The following TCEA3 variants were observed in gnomAD, a reference collection of about 807,000 sequenced individuals.
The protein encoded by TCEA3 is transcription elongation factor A protein 3.
A neutral mutation model predicts 44.0 loss-of-function variants in TCEA3; 36 were observed. The ratio of observed to expected loss-of-function variants is 0.82; its 90% confidence interval spans 0.63 to 1.08. The LOEUF (loss-of-function observed/expected upper bound fraction) is 1.08. TCEA3 is among the 50% of genes least tolerant of loss of function. The probability of loss-of-function intolerance (pLI) is 0.00; values close to 1 mark genes in which losing one functional copy is unlikely to be tolerated. For synonymous variants in TCEA3, 162 were observed against 159.7 expected (o/e 1.01, Z -0.11); for missense variants, 392 against 441.2 (o/e 0.89, Z 1.00).
At chr1:23,396,837 C>T (rs1180606732) in intron 7 of TCEA3, among the ~76,000 whole-genome samples, 1 of 151,992 alleles carries the variant, frequency 6.6e-6, no homozygotes, top group East Asian at 1.9e-4. Flanking sequence ...GAAACCCCAT[C>T]CCTACTAAAA....
At chr1:23,383,183 G>T (rs1558013539) in intron 10 of TCEA3, among the ~76,000 whole-genome samples, 1 of 151,822 alleles carries the variant, frequency 6.6e-6, no homozygotes, top group South Asian at 2.1e-4. Context: ...AGGAGGCTGA[G>T]GCAGGAGAAT....
intron 8 of TCEA3, among the ~76,000 whole-genome samples, chr1:23,388,843 C>G (rs1287115803): frequency 6.6e-6 from 1 of 152,028 alleles, no homozygotes; most frequent in East Asian, 1.9e-4. Context: ...ACCACCAAAC[C>G]TGGTTAATTA....
intron 4 of TCEA3, among the ~76,000 whole-genome samples, chr1:23,414,495 T>C (rs1199850326): frequency 1.3e-5 from 2 of 152,236 alleles, no homozygotes; most frequent in South Asian, 4.1e-4. Context: ...TTCTGCCTCC[T>C]GGGTTCAAGT....
chr1:23,420,902 C>G (rs1386861594), intron 1 of TCEA3, among the ~76,000 whole-genome samples: 1 of 152,176 alleles, frequency 6.6e-6, no homozygotes, highest in African/African-American at 2.4e-5. Flanking sequence ...TGCCTGCTGT[C>G]CTGAGATCAG....
At chr1:23,390,944 G>A (rs1558027494) in intron 8 of TCEA3, among the ~76,000 whole-genome samples, 1 of 151,884 alleles carries the variant, frequency 6.6e-6, no homozygotes. Context: ...TCTTTGCTAT[G>A]TCTGAGTAGG....
At chr1:23,400,657 C>A (rs983998350) in intron 5 of TCEA3, among the ~76,000 whole-genome samples, 2 of 152,150 alleles carry the variant, frequency 1.3e-5, no homozygotes, top group African/African-American at 4.8e-5. Flanking sequence ...ATCTGCCAGC[C>A]AGCCCCTATA....
At position 23,393,924 on chromosome 1, in the gene TCEA3, G is replaced by C; in HGVS notation, c.774C>G (p.Leu258=). Residue 258 remains leucine, a synonymous_variant, in exon 8 of 11, where the codon CTC becomes CTG. Transcript: ENST00000450454. Reference sequence around the variant, plus strand: ...TAAGCCCTGCGGAGATGGCCCCACTGAGCACGTTCCGCCGCAGGCCGGGGT... The same window carrying C: ...TAAGCCCTGCGGAGATGGCCCCACTCAGCACGTTCCGCCGCAGGCCGGGGT... ...PRNPGLRRNV[L]SGAISAGLIA... The C allele has an allele frequency of 6.2e-7, 1 of 1,613,948 alleles. No individual in the cohort carries two copies. The highest frequency in any genetic ancestry group is 8.5e-7 in the Non-Finnish European group (1 of 1,179,896).
intron 3 of TCEA3, among the ~76,000 whole-genome samples, 156 bp downstream of exon 3, chr1:23,417,748 C>T (rs1639935118): frequency 6.6e-6 from 1 of 152,234 alleles, no homozygotes; most frequent in Non-Finnish European, 1.5e-5. Context: ...CAAACATTGG[C>T]AGTCCCCCAC....
chr1:23,398,182 A>T (rs779102768), intron 5 of TCEA3, among the ~76,000 whole-genome samples: 1 of 152,146 alleles, frequency 6.6e-6, no homozygotes, highest in Non-Finnish European at 1.5e-5. Context: ...TTTAAAGTGC[A>T]TGGTAGAGAA....
intron 5 of TCEA3, among the ~76,000 whole-genome samples, chr1:23,406,148 A>G (rs897024947): frequency 6.6e-6 from 1 of 152,202 alleles, no homozygotes; most frequent in Non-Finnish European, 1.5e-5. Context: ...AACTTTTTCT[A>G]CAGCCTCAGA....
At chr1:23,408,422 T>A (rs1639614056) in intron 5 of TCEA3, 2 of 433,302 alleles carry the variant, frequency 4.6e-6, no homozygotes, top group Admixed American at 7.7e-5. Context: ...GATGAATGAA[T>A]AAATGAATGA....
At chr1:23,405,954 T>C (rs1161983370) in intron 5 of TCEA3, among the ~76,000 whole-genome samples, 1 of 152,154 alleles carries the variant, frequency 6.6e-6, no homozygotes, top group Non-Finnish European at 1.5e-5. Context: ...TGCCACGAAA[T>C]GTCAGGAGTA....
At chr1:23,399,178 A>ATATATATATC (rs1425816669) in intron 5 of TCEA3, among the ~76,000 whole-genome samples, 3 of 141,118 alleles carry the variant, frequency 2.1e-5, no homozygotes, top group Admixed American at 7.2e-5. Context: ...ATATATATAT[A>ATATATATATC]TCCATATGTG....
chr1:23,402,881 G>A (rs570224682), intron 5 of TCEA3, among the ~76,000 whole-genome samples: 3 of 152,278 alleles, frequency 2.0e-5, no homozygotes, highest in South Asian at 4.1e-4. Context: ...ATGAATTGAG[G>A]AACTGACCAC....
intron 5 of TCEA3, among the ~76,000 whole-genome samples, chr1:23,402,525 C>T (rs1043363192): frequency 6.6e-6 from 1 of 152,190 alleles, no homozygotes; most frequent in Non-Finnish European, 1.5e-5. Flanking sequence ...CGGGCCTTTG[C>T]ACAGGCTGGT....
intron 4 of TCEA3, among the ~76,000 whole-genome samples, chr1:23,416,932 A>G (rs1469837130): frequency 6.6e-6 from 1 of 152,208 alleles, no homozygotes; most frequent in African/African-American, 2.4e-5. Context: ...TGGGTGGGCC[A>G]GAGAAGAGCT....
intron 9 of TCEA3, among the ~76,000 whole-genome samples, chr1:23,387,000 G>T (rs574761094): frequency 1.2e-3 from 184 of 152,266 alleles, no homozygotes; most frequent in Non-Finnish European, 2.4e-3. Flanking sequence ...GATTATAGGC[G>T]TGAGCCACCG....
chr1:23,397,776 G>C lies in TCEA3; in HGVS notation c.607+16C>G, dbSNP rs748870211. 6.2e-7 allele frequency: 1 copy of C among 1,613,846 alleles called. No individual in the cohort carries two copies. The stretch of plus-strand genomic sequence containing the variant: ...GGACTCCTTCCCTCCCTCATCCCTA[G>C]CCCAGGCTCTCTCACCGTCCGCCTT... On this transcript the variant is annotated intron_variant, in intron 6 of 10. Coordinates refer to ENST00000450454, the MANE Select transcript of TCEA3 (RefSeq NM_003196.3).
chr1:23,390,250 C>T (rs577479379), intron 8 of TCEA3, among the ~76,000 whole-genome samples: 127 of 152,294 alleles, frequency 8.3e-4, no homozygotes, highest in African/African-American at 2.9e-3. Flanking sequence ...GGGCAGATCA[C>T]CTGAGGTCAG....
Sources: gnomAD v4.1 joint callset for allele counts (sites outside exome capture counted in the v4.1 genomes callset) on GRCh38, gnomAD v4.1.1 for gene constraint, MANE v1.5 for transcripts, NCBI Gene and HGNC (gene_info 2026-07-23, HGNC 2026-07-21) for gene names.